SEPTIN14: variants seen among roughly 807,000 people sequenced by gnomAD.
SEPTIN14 encodes the protein septin-14.
In SEPTIN14, 40 loss-of-function variants were observed where a neutral mutation model predicts 53.6. The ratio of observed to expected loss-of-function variants is 0.75; its 90% confidence interval spans 0.58 to 0.97. The LOEUF (loss-of-function observed/expected upper bound fraction) is 0.97, where lower values mean the gene tolerates loss of function less well. Ranked by LOEUF, SEPTIN14 falls within the 50% of genes least tolerant of loss-of-function variation. SEPTIN14 has a pLI of 0.00. For missense variants in SEPTIN14, 471 were observed against 508.2 expected, an observed-to-expected ratio of 0.93 and a Z score of 0.70; for synonymous variants, 138 against 166.8, an observed-to-expected ratio of 0.83 and a Z score of 1.33.
At chr7:55,853,253 A>C (rs1376311071) in intron 2 of SEPTIN14, among the ~76,000 whole-genome samples, 1 of 152,256 alleles carries the variant, frequency 6.6e-6, no homozygotes, top group Admixed American at 6.5e-5. Flanking sequence ...CACTATTCAC[A>C]CTAGGCAAGA....
chr7:55,830,338 T>A, intron 6 of SEPTIN14, among the ~76,000 whole-genome samples: 1 of 44,728 alleles, frequency 2.2e-5, no homozygotes, highest in Admixed American at 2.0e-4. Context: ...TATATATATA[T>A]ATATATATAT....
chr7:55,840,345 C>T (rs1480748843), intron 5 of SEPTIN14, among the ~76,000 whole-genome samples: 1 of 149,424 alleles, frequency 6.7e-6, no homozygotes, highest in Non-Finnish European at 1.5e-5. Flanking sequence ...AAAAATTAGC[C>T]GGGTGTGGTG....
At position 55,795,993 on chromosome 7, in the gene SEPTIN14, A is replaced by G. The variant is rs1307810191; in HGVS notation, c.1219T>C (p.Tyr407His). 1.9e-6 allele frequency: 3 copies of G among 1,582,578 alleles called. No individual in the cohort carries two copies. Among genetic ancestry groups the G allele is most frequent in the Non-Finnish European group, 2.6e-6 (3 of 1,167,452 alleles). ...KQLEGEIIDF[Y>H]KMKAASEALQ... ...GCTTCGGAGGCAGCTTTCATTTTATAAAAATCTATGATTTCTCCTTCCAGT... is the reference window on the plus strand; with the variant it reads ...GCTTCGGAGGCAGCTTTCATTTTATGAAAATCTATGATTTCTCCTTCCAGT... The change falls in exon 10 of 10, where the codon TAT (tyrosine) becomes CAT (histidine). Residue 407 changes from tyrosine (Y) to histidine (H), a missense_variant. Physicochemically the swap from Tyr to His is moderately conservative, Grantham distance 83. Coordinates refer to ENST00000388975, the MANE Select transcript of SEPTIN14 (RefSeq NM_207366.3).
intron 7 of SEPTIN14, 48 bp downstream of exon 7, chr7:55,819,079 C>T (rs768669465): frequency 3.0e-6 from 3 of 1,001,320 alleles, no homozygotes; most frequent in African/African-American, 1.6e-5. Flanking sequence ...GAGTGATACA[C>T]ATATATTTAA....
At chr7:55,818,586 C>G (rs1788835909) in intron 7 of SEPTIN14, among the ~76,000 whole-genome samples, 1 of 151,546 alleles carries the variant, frequency 6.6e-6, no homozygotes, top group African/African-American at 2.4e-5. Flanking sequence ...TTACTGCTTA[C>G]TACACTATTC....
intron 5 of SEPTIN14, among the ~76,000 whole-genome samples, chr7:55,836,851 C>T (rs1218684266): frequency 6.6e-6 from 1 of 152,166 alleles, no homozygotes; most frequent in Non-Finnish European, 1.5e-5. Context: ...ATTTCAACTA[C>T]TTAATGACAT....
At chr7:55,830,662 C>T (rs1203282874) in intron 6 of SEPTIN14, among the ~76,000 whole-genome samples, 1 of 151,498 alleles carries the variant, frequency 6.6e-6, no homozygotes, top group Non-Finnish European at 1.5e-5. Context: ...TATTGTTTAC[C>T]TTATTGTAAA....
chr7:55,795,919 C>T lies in SEPTIN14; in HGVS notation c.1293G>A (p.Lys431=). 3 of 1,591,584 alleles carry T rather than the reference C, an allele frequency of 1.9e-6. No homozygotes were observed. The highest frequency in any genetic ancestry group is 2.6e-6 in the Non-Finnish European group (3 of 1,175,574). Residue 431 remains lysine (K), a synonymous_variant, in exon 10 of 10, where the codon AAG becomes AAA. Coordinates refer to ENST00000388975, the MANE Select transcript of SEPTIN14 (RefSeq NM_207366.3). The part of the protein sequence containing the change: ...STDTKKDKHR[K]K ...AGAATAGTAAGAGAAACTATTATTT[C>T]TTACGATGTTTGTCTTTCTTTGTAT...
chr7:55,856,460 C>T (rs1030549698), intron 2 of SEPTIN14, among the ~76,000 whole-genome samples: 49 of 151,100 alleles, frequency 3.2e-4, no homozygotes, highest in African/African-American at 1.1e-3. Context: ...GGTGTGATTT[C>T]AGCTCACTGC....
At chr7:55,827,801 T>G (rs1789017193) in intron 6 of SEPTIN14, among the ~76,000 whole-genome samples, 1 of 152,194 alleles carries the variant, frequency 6.6e-6, no homozygotes, top group Non-Finnish European at 1.5e-5. Context: ...TACTCATAAG[T>G]GCCACTTACT....
At chr7:55,833,229 C>A (rs1020695190) in intron 6 of SEPTIN14, among the ~76,000 whole-genome samples, 1 of 151,816 alleles carries the variant, frequency 6.6e-6, no homozygotes, top group Non-Finnish European at 1.5e-5. Context: ...GGAGGAGAAT[C>A]ACTTGAACCT....
intron 7 of SEPTIN14, among the ~76,000 whole-genome samples, chr7:55,818,345 G>A (rs1315124187): frequency 6.6e-6 from 1 of 151,706 alleles, no homozygotes; most frequent in African/African-American, 2.4e-5. Context: ...GGCGGCAAGC[G>A]CATGTAATCC....
At chr7:55,801,955 C>T (rs1788527702) in intron 9 of SEPTIN14, among the ~76,000 whole-genome samples, 2 of 151,464 alleles carry the variant, frequency 1.3e-5, no homozygotes. Context: ...TACAAAAATA[C>T]TTCCCAAAGT....
chr7:55,805,870 A>C (rs2115962541), intron 8 of SEPTIN14, among the ~76,000 whole-genome samples: 1 of 152,320 alleles, frequency 6.6e-6, no homozygotes, highest in East Asian at 1.9e-4. Flanking sequence ...CTCTAAAATA[A>C]AGCAAAAAGT....
chr7:55,834,451 C>A lies in SEPTIN14; in HGVS notation c.694G>T (p.Ala232Ser). 6.2e-7 allele frequency: 1 copy of A among 1,611,438 alleles called. No individual in the cohort carries two copies. ...IYQLPTDEET[A>S]AQANSSVSGL... ...CTAACTGAGGAGTTCGCTTGAGCAG[C>A]AGTTTCTTCATCTGTTGGGAGCTGA... Residue 232 changes from alanine to serine, a missense_variant, in exon 6 of 10, where the codon GCT becomes TCT. Transcript: ENST00000388975.
intron 2 of SEPTIN14, among the ~76,000 whole-genome samples, chr7:55,854,104 G>A (rs867690282): frequency 4.0e-5 from 6 of 151,304 alleles, no homozygotes; most frequent in Non-Finnish European, 7.4e-5. Flanking sequence ...CTGGGTAACC[G>A]AGTAAAACCC....
At chr7:55,843,308 T>C (rs1789347236) in intron 4 of SEPTIN14, among the ~76,000 whole-genome samples, 180 bp from the exon 5 acceptor site, 1 of 152,198 alleles carries the variant, frequency 6.6e-6, no homozygotes, top group South Asian at 2.1e-4. Flanking sequence ...CATGCTTTAC[T>C]CTATGGTTAT....
intron 6 of SEPTIN14, among the ~76,000 whole-genome samples, chr7:55,820,897 G>A (rs375461588): frequency 2.0e-5 from 3 of 152,022 alleles, no homozygotes; most frequent in Non-Finnish European, 2.9e-5. Flanking sequence ...CTGAGATCGC[G>A]CCATTACATC....
intron 9 of SEPTIN14, among the ~76,000 whole-genome samples, chr7:55,804,402 G>A (rs952914868): frequency 2.0e-5 from 3 of 151,532 alleles, no homozygotes; most frequent in African/African-American, 7.3e-5. Context: ...GGAATTATAG[G>A]CATGCAGCAC....
Sources: gnomAD v4.1 joint callset for allele counts (sites outside exome capture counted in the v4.1 genomes callset) on GRCh38, gnomAD v4.1.1 for gene constraint, MANE v1.5 for transcripts, NCBI Gene and HGNC (gene_info 2026-07-23, HGNC 2026-07-21) for gene names.